PCDHGA8: variants seen among roughly 807,000 people sequenced by gnomAD.
The protein encoded by PCDHGA8 is protocadherin gamma subfamily A, 8.
PCDHGA8 carries 45 observed loss-of-function variants against 59.2 expected under a neutral mutation model. That is an observed-to-expected ratio of 0.76 (90% CI 0.60 to 0.98). The LOEUF (loss-of-function observed/expected upper bound fraction) is 0.98, where lower values mean the gene tolerates loss of function less well. Ranked by LOEUF, PCDHGA8 falls within the 50% of genes least tolerant of loss-of-function variation. PCDHGA8 has a pLI of 0.00. For synonymous variants in PCDHGA8, 531 were observed against 519.0 expected (o/e 1.02, Z -0.32); for missense variants, 1,257 against 1,196.2 (o/e 1.05, Z -0.75).
rs370299433 is a variant in PCDHGA8 at position 141,476,360 on chromosome 5, G to A, written c.2425-18447G>A. 5.3e-5 allele frequency: 86 copies of A among 1,614,186 alleles called. No homozygotes were observed. The highest frequency in any genetic ancestry group is 6.7e-5 in the Non-Finnish European group (79 of 1,180,042). ...CCGAAGATTCTTTGAGGTGAACCGG[G>A]AGACCGGAGAGATGTTTGTGAACGA... On this transcript the variant is annotated intron_variant, in intron 1 of 3. Transcript: ENST00000398604. This position sits in a 1 kb window ranked among gnomAD's most constrained non-coding sequence, Gnocchi z 7.6.
At chr5:141,435,103 G>A (rs1468698388) in intron 1 of PCDHGA8, among the ~76,000 whole-genome samples, 2 of 151,914 alleles carry the variant, frequency 1.3e-5, no homozygotes, top group African/African-American at 2.4e-5. Flanking sequence ...TTTATCTAGG[G>A]GGGAGAAATC....
intron 1 of PCDHGA8, among the ~76,000 whole-genome samples, chr5:141,447,644 G>A (rs1212910845): frequency 1.3e-5 from 2 of 152,146 alleles, no homozygotes; most frequent in Admixed American, 1.3e-4. Context: ...AATGATGGTA[G>A]AATTTTCCCC....
chr5:141,418,990 G>A (rs1029969170), intron 1 of PCDHGA8: 1 of 1,613,784 alleles, frequency 6.2e-7, no homozygotes, highest in African/African-American at 1.3e-5. Flanking sequence ...AAGACTCAGG[G>A]GAAAATGGGG....
intron 1 of PCDHGA8, among the ~76,000 whole-genome samples, chr5:141,452,114 A>C (rs1443131264): frequency 1.3e-5 from 2 of 152,098 alleles, no homozygotes; most frequent in Admixed American, 1.3e-4. Flanking sequence ...TTCTCTTCTT[A>C]TTTATTCATA....
At chr5:141,454,796 ATTTTTTTTTTTT>A (rs61612330) in intron 1 of PCDHGA8, among the ~76,000 whole-genome samples, 76 of 77,462 alleles carry the variant, frequency 9.8e-4, no homozygotes, top group African/African-American at 3.9e-3. Flanking sequence ...CATGGTTCTA[ATTTTTTTTTTTT>A]TTTTTTTTTT....
rs1259021130 is a variant in PCDHGA8 at position 141,485,083 on chromosome 5, G to C, written c.2425-9724G>C. ...GCGCCAGAGCTGGCGCGGGGAAAGG[G>C]AGATAGGTGTCTCCAGCTGCTGTGG... On this transcript the variant is annotated intron_variant, in intron 1 of 3. Coordinates refer to ENST00000398604, the MANE Select transcript of PCDHGA8 (RefSeq NM_032088.2). The surrounding 1 kb of genome is among the most constrained non-coding windows in gnomAD (Gnocchi z 5.7). The C allele has an allele frequency of 1.0e-6, 1 of 989,386 alleles. No homozygotes were observed. The highest frequency in any genetic ancestry group is 1.6e-5 in the African/African-American group (1 of 61,992). 61.3% of individuals were successfully genotyped at this position (989,386 alleles called of 1,614,324 possible).
Position 141,491,995 on chromosome 5 carries a change from G to C in PCDHGA8, c.2425-2812G>C, listed in dbSNP as rs76332593. On this transcript the variant is annotated intron_variant, in intron 1 of 3. Transcript: ENST00000398604. The surrounding 1 kb of genome is among the most constrained non-coding windows in gnomAD (Gnocchi z 6.9). ...CTCCTTCGAGCTTCCGGTGAATTTC[G>C]GGCGATTTCCGCGGGTGTCGGGGGT... is the stretch of plus-strand genomic sequence containing the variant. 0.033 allele frequency: 22,941 copies of C among 696,644 alleles called. 426 individuals carry two copies. The highest frequency in any genetic ancestry group is 0.093 in the Middle Eastern group (249 of 2,666). The allele number at this position is 696,644 out of a possible 1,614,324, so 43.2% of individuals were successfully genotyped here. A position where few individuals can be genotyped will look rare whatever the true frequency, so the allele number is the denominator to read the frequency against.
chr5:141,415,096 G>A (rs1398998410), intron 1 of PCDHGA8: 3 of 1,613,462 alleles, frequency 1.9e-6, no homozygotes, highest in Non-Finnish European at 2.5e-6. Flanking sequence ...GGACAGAGAC[G>A]CGCTCAAGCA....
chr5:141,418,804 T>A, intron 1 of PCDHGA8: 2 of 1,613,836 alleles, frequency 1.2e-6, no homozygotes, highest in Non-Finnish European at 1.7e-6. Flanking sequence ...TAGAAAGATA[T>A]ACGATAAACA....
chr5:141,477,854 C>T lies in PCDHGA8; in HGVS notation c.2425-16953C>T. Reference sequence around the variant, plus strand: ...GCCAGGTGGGAGCTCGGTGGAGATGCTGCCTCGAGGTACCTCAGCTGGCCA... The same window carrying T: ...GCCAGGTGGGAGCTCGGTGGAGATGTTGCCTCGAGGTACCTCAGCTGGCCA... On this transcript the variant is annotated intron_variant, in intron 1 of 3. Transcript: ENST00000398604. This position sits in a 1 kb window ranked among gnomAD's most constrained non-coding sequence, Gnocchi z 4.9. 1.9e-6 allele frequency: 3 copies of T among 1,614,098 alleles called. No individual in the cohort carries two copies. The South Asian group carries it at 3.3e-5, about 18-fold the overall frequency.
chr5:141,504,434 A>C (rs2099838201), intron 2 of PCDHGA8, among the ~76,000 whole-genome samples: 1 of 152,234 alleles, frequency 6.6e-6, no homozygotes, highest in South Asian at 2.1e-4. Flanking sequence ...CAACAGCTGC[A>C]GTGTGACTAG....
intron 2 of PCDHGA8, among the ~76,000 whole-genome samples, chr5:141,500,184 T>TTTTTTTTATTTATTTA (rs1554186429): frequency 7.4e-6 from 1 of 135,886 alleles, no homozygotes; most frequent in African/African-American, 2.7e-5. Flanking sequence ...TCATTTTTAT[T>TTTTTTTTATTTATTTA]TTTATTTATT....
intron 2 of PCDHGA8, among the ~76,000 whole-genome samples, chr5:141,495,193 T>C (rs1471524188): frequency 6.6e-6 from 1 of 152,192 alleles, no homozygotes; most frequent in Admixed American, 6.5e-5. Context: ...TCTATGCCCA[T>C]GTACTGCCTA....
At chr5:141,478,088 A>G (rs2099429877) in intron 1 of PCDHGA8, 2 of 1,613,944 alleles carry the variant, frequency 1.2e-6, no homozygotes, top group African/African-American at 1.3e-5. Context: ...TTCGCTCTCC[A>G]CCACTGCTAC....
At chr5:141,426,963 C>G (rs1008659501) in intron 1 of PCDHGA8, 1 of 456,646 alleles carries the variant, frequency 2.2e-6, no homozygotes, top group African/African-American at 2.0e-5. Flanking sequence ...TGCTGCAATT[C>G]AAATTGAGGT....
Position 141,477,060 on chromosome 5 carries a change from C to G in PCDHGA8, c.2425-17747C>G. On this transcript the variant is annotated intron_variant, in intron 1 of 3. Coordinates refer to ENST00000398604, the MANE Select transcript of PCDHGA8 (RefSeq NM_032088.2). The surrounding 1 kb of genome is among the most constrained non-coding windows in gnomAD (Gnocchi z 4.9). ...AAGGGTCGGCTGGACTTCGAGGACA[C>G]CAAACTCCATGAGATTTACATCCAG... The G allele has an allele frequency of 1.2e-6, 2 of 1,614,256 alleles. No individual in the cohort carries two copies. The highest frequency in any genetic ancestry group is 2.2e-5 in the South Asian group (2 of 91,086).
chr5:141,409,180 T>C (rs2095236494), intron 1 of PCDHGA8: 1 of 1,613,848 alleles, frequency 6.2e-7, no homozygotes, highest in Non-Finnish European at 8.5e-7. Flanking sequence ...ACGGAGGTGG[T>C]CTCTCTACCC....
rs780578882 is a variant in PCDHGA8 at position 141,486,578 on chromosome 5, C to T, written c.2425-8229C>T. On this transcript the variant is annotated intron_variant, in intron 1 of 3. Coordinates refer to ENST00000398604, the MANE Select transcript of PCDHGA8 (RefSeq NM_032088.2). This position sits in a 1 kb window ranked among gnomAD's most constrained non-coding sequence, Gnocchi z 5.0. ...TGAGGTGTTTGTTCCTGAGAACAAT[C>T]GCCCAGGGGACCTGCTTTGCTCCCT... 1.6e-5 allele frequency: 26 copies of T among 1,613,728 alleles called. No homozygotes were observed. The highest frequency in any genetic ancestry group is 2.2e-5 in the South Asian group (2 of 91,072).
intron 1 of PCDHGA8, among the ~76,000 whole-genome samples, chr5:141,447,023 GT>G (rs5871773): frequency 0.034 from 5,146 of 151,536 alleles, 101 homozygotes; most frequent in Middle Eastern, 0.088. Flanking sequence ...GTTTTGTTTT[GT>G]TTTTTTTCTG....
Sources: gnomAD v4.1 joint callset for allele counts (sites outside exome capture counted in the v4.1 genomes callset) on GRCh38, gnomAD v4.1.1 for gene constraint, Gnocchi (gnomAD v3.1) non-coding constraint, MANE v1.5 for transcripts, NCBI Gene and HGNC (gene_info 2026-07-23, HGNC 2026-07-21) for gene names.